CTNND2: variants seen among roughly 807,000 people sequenced by gnomAD.
CTNND2 encodes the protein catenin delta 2, also known as catenin delta-2.
In CTNND2, 22 loss-of-function variants were observed where a neutral mutation model predicts 144.4. The observed-to-expected ratio is 0.15, with a 90% CI of 0.11 to 0.22. The LOEUF (loss-of-function observed/expected upper bound fraction) is 0.22. Ranked by LOEUF, CTNND2 falls within the 10% of genes least tolerant of loss-of-function variation. CTNND2 has a pLI of 1.00. For synonymous variants in CTNND2, 751 were observed against 695.6 expected (o/e 1.08, Z -1.25); for missense variants, 1,353 against 1,618.8 (o/e 0.84, Z 2.82).
chr5:11,486,295 C>T (rs1195792244), intron 3 of CTNND2, among the ~76,000 whole-genome samples: 1 of 152,096 alleles, frequency 6.6e-6, no homozygotes, highest in African/African-American at 2.4e-5. Flanking sequence ...TGATAATATC[C>T]AGTAGATCAC....
At chr5:11,776,725 T>C (rs76086394) in intron 1 of CTNND2, among the ~76,000 whole-genome samples, 2,224 of 152,268 alleles carry the variant, frequency 0.015, 43 homozygotes, top group African/African-American at 0.051. Context: ...ATCGCAGGTA[T>C]ACATCCCCAA....
At chr5:11,036,516 G>A (rs139412584) in intron 16 of CTNND2, among the ~76,000 whole-genome samples, 37 of 152,074 alleles carry the variant, frequency 2.4e-4, no homozygotes, top group African/African-American at 7.0e-4. Context: ...TGCCTCCTGC[G>A]TTCAAACAAT....
intron 10 of CTNND2, among the ~76,000 whole-genome samples, chr5:11,224,165 T>C (rs1050504544): frequency 2.0e-5 from 3 of 152,196 alleles, no homozygotes; most frequent in Non-Finnish European, 4.4e-5. Flanking sequence ...TGTCCCAGGC[T>C]GTTAGCAATA....
intron 9 of CTNND2, among the ~76,000 whole-genome samples, chr5:11,344,655 A>G (rs1380298030): frequency 1.3e-5 from 2 of 152,110 alleles, no homozygotes; most frequent in Admixed American, 1.3e-4. Context: ...TGACGCATAC[A>G]AAAGCTTAGT....
At chr5:11,657,646 A>G (rs935438115) in intron 2 of CTNND2, among the ~76,000 whole-genome samples, 1 of 152,194 alleles carries the variant, frequency 6.6e-6, no homozygotes, top group Admixed American at 6.6e-5. Flanking sequence ...AAGACTGACA[A>G]TACAAATTGC....
intron 2 of CTNND2, among the ~76,000 whole-genome samples, chr5:11,676,407 C>T (rs1375512044): frequency 6.6e-6 from 1 of 151,502 alleles, no homozygotes; most frequent in African/African-American, 2.4e-5. Flanking sequence ...TTTTTAGCAC[C>T]CAATTTATGG....
chr5:11,065,221 C>T lies in CTNND2; in HGVS notation c.2788+17475G>A, dbSNP rs562879446. 3.3e-5 allele frequency among the ~76,000 whole-genome samples: 5 copies of T among 152,312 alleles called. No individual in the cohort carries two copies. In the East Asian group the frequency reaches 9.6e-4, roughly 29 times the overall value. ...GATTCAGTCACCTGGGCCTTTCCCA[C>T]GGGTGCCTAATAACTGTGGATGCAG... On this transcript the variant is annotated intron_variant, in intron 16 of 21. Coordinates refer to ENST00000304623, the MANE Select transcript of CTNND2 (RefSeq NM_001332.4).
intron 12 of CTNND2, among the ~76,000 whole-genome samples, chr5:11,141,971 A>T (rs1194393630): frequency 3.3e-5 from 5 of 152,122 alleles, no homozygotes; most frequent in Non-Finnish European, 4.4e-5. Flanking sequence ...AGTTTGTTAT[A>T]AAACTGAGCC....
intron 11 of CTNND2, among the ~76,000 whole-genome samples, chr5:11,195,211 T>C (rs1736735318): frequency 6.6e-6 from 1 of 152,194 alleles, no homozygotes; most frequent in Admixed American, 6.5e-5. Flanking sequence ...GAGAATTTAA[T>C]AGTATTAAGG....
intron 18 of CTNND2, among the ~76,000 whole-genome samples, chr5:11,017,425 C>A (rs1741729212): frequency 6.6e-6 from 1 of 151,928 alleles, no homozygotes; most frequent in African/African-American, 2.4e-5. Flanking sequence ...TGGCCAGTAA[C>A]ACTGTGAGGT....
intron 12 of CTNND2, among the ~76,000 whole-genome samples, chr5:11,152,332 A>G (rs1270007128): frequency 6.6e-6 from 1 of 152,232 alleles, no homozygotes. Context: ...GGATACGTTT[A>G]GATAGACACA....
chr5:11,347,701 C>G (rs60736843), intron 8 of CTNND2, among the ~76,000 whole-genome samples: 1 of 152,164 alleles, frequency 6.6e-6, no homozygotes, highest in South Asian at 2.1e-4. Flanking sequence ...TAGATAGGAC[C>G]ATTTATGACA....
chr5:11,094,910 T>C (rs1751181816), intron 15 of CTNND2, among the ~76,000 whole-genome samples: 1 of 152,238 alleles, frequency 6.6e-6, no homozygotes, highest in Non-Finnish European at 1.5e-5. Context: ...TATTATTCTC[T>C]ACTCGCTTAG....
intron 12 of CTNND2, among the ~76,000 whole-genome samples, chr5:11,158,580 CATACCGCCTCTCA>C (rs1758452279): frequency 6.6e-6 from 1 of 152,168 alleles, no homozygotes; most frequent in Admixed American, 6.5e-5. Context: ...CACACAAACA[CATACCGCCTCTCA>C]AGACTGGAGG....
At chr5:11,896,765 C>T (rs1383879694) in intron 1 of CTNND2, among the ~76,000 whole-genome samples, 1 of 152,074 alleles carries the variant, frequency 6.6e-6, no homozygotes. Context: ...TGCTGGGTAT[C>T]ACATTCAATA....
At chr5:11,263,434 C>T (rs943749584) in intron 9 of CTNND2, among the ~76,000 whole-genome samples, 1 of 151,822 alleles carries the variant, frequency 6.6e-6, no homozygotes, top group Non-Finnish European at 1.5e-5. Context: ...CAAAAATGCT[C>T]ATGAAATGAT....
intron 3 of CTNND2, among the ~76,000 whole-genome samples, chr5:11,464,864 T>C (rs1766518417): frequency 6.6e-6 from 1 of 152,210 alleles, no homozygotes; most frequent in South Asian, 2.1e-4. Context: ...TATACCATGA[T>C]GGATTTGATG....
At chr5:11,715,781 C>G (rs915143511) in intron 2 of CTNND2, among the ~76,000 whole-genome samples, 1 of 152,126 alleles carries the variant, frequency 6.6e-6, no homozygotes, top group Non-Finnish European at 1.5e-5. Flanking sequence ...TTGGTTGCGA[C>G]AGAAGGTCAA....
rs190673087 is a variant in CTNND2, at chr5:11,397,869, G to A, written c.440-666C>T. On this transcript the variant is annotated intron_variant, in intron 5 of 21. Transcript: ENST00000304623. ...TGTAGCTGATATTACAAGGGGTGAA[G>A]AATCAGTTTCTGGTCTTACTTAATT... Among the ~76,000 whole-genome samples the A allele has an allele frequency of 2.3e-4, 35 of 152,300 alleles. 1 individual carries two copies. The East Asian group carries it at 6.0e-3, about 26-fold the overall frequency.
Sources: gnomAD v4.1 joint callset for allele counts (sites outside exome capture counted in the v4.1 genomes callset) on GRCh38, gnomAD v4.1.1 for gene constraint, MANE v1.5 for transcripts, NCBI Gene and HGNC (gene_info 2026-07-23, HGNC 2026-07-21) for gene names.